AGBL1: variants seen among roughly 807,000 people sequenced by gnomAD.
AGBL1 encodes cytosolic carboxypeptidase 4.
A neutral mutation model predicts 118.9 loss-of-function variants in AGBL1; 130 were observed. The ratio of observed to expected loss-of-function variants is 1.09; its 90% CI spans 0.95 to 1.26. The LOEUF is 1.26. AGBL1 is among the 50% of genes most tolerant of loss of function. The probability of loss-of-function intolerance (pLI) is 0.00; values close to 1 mark genes in which losing one functional copy is unlikely to be tolerated. For missense variants in AGBL1, 1,584 were observed against 1,298.1 expected (o/e 1.22, Z -3.38); for synonymous variants, 555 against 478.9 (o/e 1.16, Z -2.08).
At chr15:86,593,016 C>A (rs1468777951) in intron 21 of AGBL1, among the ~76,000 whole-genome samples, 1 of 152,122 alleles carries the variant, frequency 6.6e-6, no homozygotes, top group East Asian at 1.9e-4. Context: ...CAAGGGAAAA[C>A]CTCTCCCTTT....
intron 18 of AGBL1, among the ~76,000 whole-genome samples, chr15:86,472,576 G>A (rs528377974): frequency 1.3e-5 from 2 of 152,124 alleles, no homozygotes; most frequent in Non-Finnish European, 2.9e-5. Flanking sequence ...TATAAATATT[G>A]CAACTGGAGA....
At chr15:86,807,448 G>A (rs753478061) in intron 22 of AGBL1, among the ~76,000 whole-genome samples, 1 of 152,140 alleles carries the variant, frequency 6.6e-6, no homozygotes, top group Non-Finnish European at 1.5e-5. Flanking sequence ...GATGACAACA[G>A]TGGTAGCGCA....
intron 21 of AGBL1, among the ~76,000 whole-genome samples, chr15:86,648,682 T>C (rs2085324344): frequency 1.3e-5 from 2 of 152,106 alleles, no homozygotes; most frequent in African/African-American, 4.8e-5. Flanking sequence ...TACTAAGAAT[T>C]GAAGTGTAGA....
At chr15:86,175,468 T>A (rs567719584) in intron 5 of AGBL1, among the ~76,000 whole-genome samples, 10 of 152,204 alleles carry the variant, frequency 6.6e-5, no homozygotes, top group Admixed American at 5.2e-4. Context: ...ATTTCATTGA[T>A]CCTTTGTATT....
chr15:86,406,191 AG>A (rs1462018097), intron 18 of AGBL1, among the ~76,000 whole-genome samples: 3 of 152,220 alleles, frequency 2.0e-5, no homozygotes, highest in African/African-American at 7.2e-5. Context: ...ACTGGGAAAC[AG>A]AAAGAGTGTG....
chr15:86,984,364 T>G (rs1163483780), intron 23 of AGBL1, among the ~76,000 whole-genome samples: 1 of 73,040 alleles, frequency 1.4e-5, no homozygotes, highest in Non-Finnish European at 2.6e-5. Context: ...TTTTTCTCTC[T>G]TTTTTTTTTT....
At chr15:86,193,082 A>G (rs1484314629) in intron 5 of AGBL1, among the ~76,000 whole-genome samples, 2 of 152,220 alleles carry the variant, frequency 1.3e-5, no homozygotes, top group African/African-American at 4.8e-5. Context: ...TAGCACCTTA[A>G]TTTATTAGTA....
At chr15:86,190,090 T>G (rs1189659078) in intron 5 of AGBL1, among the ~76,000 whole-genome samples, 1 of 152,214 alleles carries the variant, frequency 6.6e-6, no homozygotes, top group African/African-American at 2.4e-5. Context: ...AAAAGAAACT[T>G]GTTTTTCATT....
At chr15:86,919,452 C>G (rs72754045), downstream of AGBL1, among the ~76,000 whole-genome samples, 7,118 of 151,832 alleles carry the variant, frequency 0.047, 188 homozygotes, top group Middle Eastern at 0.071. Context: ...ATGAAAAGAC[C>G]AGAAACACAT....
intron 22 of AGBL1, among the ~76,000 whole-genome samples, chr15:86,805,459 GC>G (rs1265473984): frequency 6.6e-6 from 1 of 152,100 alleles, no homozygotes; most frequent in East Asian, 1.9e-4. Context: ...TCAGCATCTA[GC>G]CCTCTCTGCT....
intron 22 of AGBL1, among the ~76,000 whole-genome samples, chr15:86,866,940 G>A (rs1012217069): frequency 6.6e-6 from 1 of 152,182 alleles, no homozygotes; most frequent in African/African-American, 2.4e-5. Context: ...TGCAAGAATG[G>A]ATTGAAGTTA....
intron 16 of AGBL1, among the ~76,000 whole-genome samples, chr15:86,287,129 A>G (rs1184368205): frequency 6.6e-6 from 1 of 152,080 alleles, no homozygotes; most frequent in Non-Finnish European, 1.5e-5. Context: ...TTTTTTATGT[A>G]TCTGTTGGCC....
At chr15:86,571,571 T>A (rs2084006627) in intron 21 of AGBL1, among the ~76,000 whole-genome samples, 2 of 152,186 alleles carry the variant, frequency 1.3e-5, no homozygotes, top group East Asian at 3.9e-4. Flanking sequence ...TCCTCTCTGC[T>A]AGGCAGGTCA....
At chr15:86,194,124 C>T (rs2077763563) in intron 5 of AGBL1, among the ~76,000 whole-genome samples, 1 of 152,240 alleles carries the variant, frequency 6.6e-6, no homozygotes, top group Admixed American at 6.5e-5. Context: ...ATTTTGTTCT[C>T]GTTCTGCTCT....
intron 5 of AGBL1, among the ~76,000 whole-genome samples, chr15:86,203,068 A>G (rs1216654514): frequency 6.6e-6 from 1 of 152,088 alleles, no homozygotes; most frequent in Non-Finnish European, 1.5e-5. Context: ...TGAGTGACAA[A>G]AAGAAATCTG....
rs547741385 is a variant in AGBL1 at position 86,615,957 on chromosome 15, G to C, written c.2995-58316G>C. On this transcript the variant is annotated intron_variant, in intron 21 of 22. Coordinates refer to ENST00000614907, the MANE Select transcript of AGBL1 (RefSeq NM_001386094.1). The surrounding 1 kb of genome is among the most constrained non-coding windows in gnomAD (Gnocchi z 4.3). ...AAAAAAAAAATACTCCCACGGAAGT[G>C]GAAGGTAAACCACAGAAGAAAAGAG... Among the ~76,000 whole-genome samples the C allele has an allele frequency of 2.0e-5, 3 of 152,136 alleles. No homozygotes were observed. Among genetic ancestry groups the C allele is most frequent in the Admixed American group, 2.0e-4 (3 of 15,270 alleles).
chr15:86,401,851 G>A (rs1019833727), intron 18 of AGBL1, among the ~76,000 whole-genome samples: 3 of 152,138 alleles, frequency 2.0e-5, no homozygotes, highest in Non-Finnish European at 4.4e-5. Flanking sequence ...GGTAACTATA[G>A]CCTTGTAGTA....
chr15:86,249,415 T>C (rs558687333), intron 7 of AGBL1, among the ~76,000 whole-genome samples: 27 of 152,266 alleles, frequency 1.8e-4, no homozygotes, highest in African/African-American at 5.5e-4. Context: ...TGCTAAACAA[T>C]AACAAAATAC....
chr15:86,765,894 G>T (rs1179057073), intron 22 of AGBL1, among the ~76,000 whole-genome samples: 1 of 151,858 alleles, frequency 6.6e-6, no homozygotes, highest in Non-Finnish European at 1.5e-5. Context: ...AAAGTCTCTA[G>T]GTGTTGTCTA....
Sources: gnomAD v4.1 joint callset for allele counts (sites outside exome capture counted in the v4.1 genomes callset) on GRCh38, gnomAD v4.1.1 for gene constraint, Gnocchi (gnomAD v3.1) non-coding constraint, MANE v1.5 for transcripts, NCBI Gene and HGNC (gene_info 2026-07-23, HGNC 2026-07-21) for gene names.